The following MEIOB variants were observed in gnomAD, a reference collection of about 807,000 sequenced individuals.
MEIOB encodes meiosis-specific with OB domain-containing protein.
In MEIOB, 50 loss-of-function variants were observed where a neutral mutation model predicts 53.1. The ratio of observed to expected loss-of-function variants is 0.94; its 90% CI spans 0.75 to 1.19. The LOEUF is 1.19. MEIOB is among the 50% of genes most tolerant of loss of function. The pLI, the probability that MEIOB is intolerant of heterozygous loss-of-function variation, is 0.00. For synonymous variants in MEIOB, 192 were observed against 182.5 expected (o/e 1.05, Z -0.42); for missense variants, 551 against 550.8 (o/e 1.00, Z 0.00).
chr16:1,866,851 A>C (rs1899606669), intron 2 of MEIOB, among the ~76,000 whole-genome samples: 1 of 152,244 alleles, frequency 6.6e-6, no homozygotes, highest in African/African-American at 2.4e-5. Context: ...CATTTAAATT[A>C]CAATCAGGCT....
intron 3 of MEIOB, among the ~76,000 whole-genome samples, chr16:1,862,614 C>T (rs1051655175): frequency 2.0e-5 from 3 of 152,122 alleles, no homozygotes; most frequent in South Asian, 2.1e-4. Flanking sequence ...AGCAAGACCC[C>T]GTCCCAAAAA....
At position 1,854,288 on chromosome 16, in the gene MEIOB, T is replaced by C. The variant is rs1899243347; in HGVS notation, c.529-88A>G. The C allele has an allele frequency of 5.5e-6, 4 of 730,798 alleles. No individual in the cohort carries two copies. The East Asian group carries it at 8.3e-5, about 15-fold the overall frequency. The allele number at this position is 730,798 out of a possible 1,614,324, so 45.3% of individuals were successfully genotyped here. A position where few individuals can be genotyped will look rare whatever the true frequency, so the allele number is the denominator to read the frequency against. ...ATGAAAATACTCAAATGTTCACCTTTTAAACACCAAATTAGAAATATTAAA... is the reference window on the plus strand; with the variant it reads ...ATGAAAATACTCAAATGTTCACCTTCTAAACACCAAATTAGAAATATTAAA... On this transcript the variant is annotated intron_variant, in intron 6 of 13. Transcript: ENST00000325962.
intron 6 of MEIOB, among the ~76,000 whole-genome samples, chr16:1,856,195 G>A (rs982075148): frequency 1.4e-5 from 2 of 146,612 alleles, no homozygotes; most frequent in Non-Finnish European, 3.0e-5. Flanking sequence ...TCGTTCTGTC[G>A]CCCAGACTGG....
chr16:1,840,182 T>C (rs914471455), intron 11 of MEIOB: 3 of 152,182 alleles, frequency 2.0e-5, no homozygotes, highest in Non-Finnish European at 4.4e-5. Flanking sequence ...TCCTCAGATA[T>C]CAATAATAAA....
chr16:1,869,685 TC>T (rs1899686784), intron 1 of MEIOB, among the ~76,000 whole-genome samples: 1 of 150,336 alleles, frequency 6.7e-6, no homozygotes, highest in East Asian at 2.0e-4. Flanking sequence ...TCTCCTGACC[TC>T]GTGATCCGCC....
At chr16:1,870,180 T>A (rs1742449) in intron 1 of MEIOB, among the ~76,000 whole-genome samples, 1 of 152,046 alleles carries the variant, frequency 6.6e-6, no homozygotes, top group African/African-American at 2.4e-5. Flanking sequence ...CCCGGGAAAA[T>A]TATTGATTTT....
intron 6 of MEIOB, among the ~76,000 whole-genome samples, chr16:1,856,158 C>T (rs369125801): frequency 1.4e-5 from 1 of 69,918 alleles, no homozygotes; most frequent in South Asian, 5.3e-4. Context: ...CCATGCCCAG[C>T]TAATTTTTTT....
In MEIOB at chr16:1,871,573, G is replaced by A. The variant is rs113805879; in HGVS notation, c.-10+420C>T. 8.6e-3 allele frequency among the ~76,000 whole-genome samples: 1,120 copies of A among 130,808 alleles called. 16 individuals carry two copies. Among genetic ancestry groups the A allele is most frequent in the African/African-American group, 0.032 (1,058 of 33,422 alleles). 85.8% of individuals were successfully genotyped at this position (130,808 alleles called of 152,430 possible). A position where few individuals can be genotyped will look rare whatever the true frequency, so the allele number is the denominator to read the frequency against. On this transcript the variant is annotated intron_variant, in intron 1 of 13. Coordinates refer to ENST00000325962, the MANE Select transcript of MEIOB (RefSeq NM_001163560.3). ...AGAGTCTTGCTCTGTTGCCCAGACC[G>A]GAGTGCAATGGTGCGATCTTGGTTC...
chr16:1,857,183 C>T (rs933980597), intron 6 of MEIOB, among the ~76,000 whole-genome samples: 16 of 152,308 alleles, frequency 1.1e-4, no homozygotes, highest in East Asian at 3.9e-4. Context: ...TTCAGACAGA[C>T]GCTGATGCAC....
intron 5 of MEIOB, among the ~76,000 whole-genome samples, chr16:1,859,316 C>T (rs994935235): frequency 1.2e-4 from 18 of 152,102 alleles, no homozygotes; most frequent in Non-Finnish European, 1.9e-4. Flanking sequence ...CCGAGGCGGG[C>T]GGATCACTTG....
intron 9 of MEIOB, among the ~76,000 whole-genome samples, chr16:1,849,671 AAAAGT>A (rs1441534273): frequency 5.3e-5 from 8 of 152,208 alleles, no homozygotes; most frequent in Non-Finnish European, 8.8e-5. Flanking sequence ...AACTAAAAAA[AAAAGT>A]AAAGCTGATA....
At position 1,841,908 on chromosome 16, in the gene MEIOB, T is replaced by C; in HGVS notation, c.946A>G (p.Lys316Glu). Residue 316 changes from lysine to glutamate, a missense_variant, in exon 11 of 14, where the codon AAA (lysine) becomes GAA (glutamate). Physicochemically the swap from Lys to Glu is moderately conservative, Grantham distance 56 (BLOSUM62 1). Transcript: ENST00000325962. ...LKGKALKNEG[K>E]ADPSYGILYA... ...AGGATGCCATAGGAAGGATCAGCTTTTCCTTCATTCTTCAAAGCTTTTCCC... is the reference window on the plus strand; with the variant it reads ...AGGATGCCATAGGAAGGATCAGCTTCTCCTTCATTCTTCAAAGCTTTTCCC... 1 of 1,608,586 alleles carries C rather than the reference T, an allele frequency of 6.2e-7. No homozygotes were observed. Among genetic ancestry groups the C allele is most frequent in the Non-Finnish European group, 8.5e-7 (1 of 1,177,038 alleles).
intron 9 of MEIOB, among the ~76,000 whole-genome samples, chr16:1,850,548 C>G (rs1397507337): frequency 6.6e-6 from 1 of 151,032 alleles, no homozygotes; most frequent in Non-Finnish European, 1.5e-5. Flanking sequence ...TGCACTCCAG[C>G]CTGGGGACAG....
chr16:1,847,985 T>C (rs1229256624), intron 9 of MEIOB, among the ~76,000 whole-genome samples: 1 of 152,124 alleles, frequency 6.6e-6, no homozygotes, highest in Non-Finnish European at 1.5e-5. Flanking sequence ...TCTTGCTCTG[T>C]CACCGAGGCT....
chr16:1,854,011 T>C (rs1899237012), intron 7 of MEIOB, 89 bp downstream of exon 7: 4 of 743,434 alleles, frequency 5.4e-6, no homozygotes, highest in Non-Finnish European at 9.3e-6. Context: ...CCTCTCTTGA[T>C]ATGAAGTCCA....
rs768617760 is a variant in MEIOB, at chr16:1,853,097, T to TTTATTC, written c.719_720insGAATAA (p.Lys240_Phe241insAsnLys). ...CAGTTGCTGTCATGCAGTTCCGAAA[T>TTTATTC]TTGTCAAAATTTATTCTTACATCTG... On this transcript the variant is annotated inframe_insertion, in exon 9 of 14. Transcript: ENST00000325962. The TTTATTC allele has an allele frequency of 1.2e-6, 2 of 1,612,880 alleles. No homozygotes were observed. The highest frequency in any genetic ancestry group is 3.3e-5 in the Admixed American group (2 of 59,968).
chr16:1,848,906 T>C (rs974618454), intron 9 of MEIOB, among the ~76,000 whole-genome samples: 2 of 152,062 alleles, frequency 1.3e-5, no homozygotes, highest in African/African-American at 4.8e-5. Context: ...TCCAGGAATA[T>C]GACAGTTTAT....
chr16:1,858,499 C>T (rs1657122), intron 5 of MEIOB, among the ~76,000 whole-genome samples: 125,540 of 152,042 alleles, frequency 0.83, 51,952 homozygotes, highest in Middle Eastern at 0.9. Flanking sequence ...CACTTACCTA[C>T]CTCATCACTT....
intron 2 of MEIOB, 93 bp downstream of exon 2, chr16:1,868,014 T>A: frequency 2.9e-6 from 2 of 684,598 alleles, no homozygotes; most frequent in Non-Finnish European, 5.0e-6. Flanking sequence ...TTGCCAATTA[T>A]AAAAGCATGT....
Sources: gnomAD v4.1 joint callset for allele counts (sites outside exome capture counted in the v4.1 genomes callset) on GRCh38, gnomAD v4.1.1 for gene constraint, MANE v1.5 for transcripts, NCBI Gene and HGNC (gene_info 2026-07-23, HGNC 2026-07-21) for gene names.